Variants in KIRREL3 observed in about 807,000 individuals in gnomAD.
KIRREL3 encodes kin of IRRE-like protein 3.
In KIRREL3, 36 loss-of-function variants were observed where a neutral mutation model predicts 89.7. The observed-to-expected ratio is 0.40, with a 90% CI of 0.31 to 0.53. The LOEUF is 0.53. Among genes scored for constraint, KIRREL3 ranks in the 20% least tolerant of loss-of-function variants. KIRREL3 has a pLI of 0.49. For synonymous variants in KIRREL3, 445 were observed against 441.4 expected (o/e 1.01, Z -0.10); for missense variants, 864 against 1,056.6 (o/e 0.82, Z 2.53).
At chr11:126,447,694 C>T (rs1303813785) in intron 8 of KIRREL3, among the ~76,000 whole-genome samples, 1 of 152,182 alleles carries the variant, frequency 6.6e-6, no homozygotes, top group Middle Eastern at 3.2e-3. Context: ...GGATTCCAGG[C>T]TCAGGGTCCG....
chr11:126,683,348 G>A lies in KIRREL3; in HGVS notation c.56-120436C>T, dbSNP rs998456772. ...GTGTGGATAGTCTGATGGTTTGCAA[G>A]TAAGTGGGATCGACCGTGGGGTCTC... is the stretch of plus-strand genomic sequence containing the variant. On this transcript the variant is annotated intron_variant, in intron 1 of 16. Coordinates refer to ENST00000525144, the MANE Select transcript of KIRREL3 (RefSeq NM_032531.4). This position sits in a 1 kb window ranked among gnomAD's most constrained non-coding sequence, Gnocchi z 5.2. Among the ~76,000 whole-genome samples, 2 of 152,180 alleles carry A rather than the reference G, an allele frequency of 1.3e-5. No individual in the cohort carries two copies. Among genetic ancestry groups the A allele is most frequent in the Admixed American group, 6.5e-5 (1 of 15,280 alleles).
At position 126,563,458 on chromosome 11, in the gene KIRREL3, G is replaced by A. The variant is rs1026207212; in HGVS notation, c.56-546C>T. 1.3e-5 allele frequency among the ~76,000 whole-genome samples: 2 copies of A among 152,178 alleles called. No individual in the cohort carries two copies. The highest frequency in any genetic ancestry group is 2.9e-5 in the Non-Finnish European group (2 of 68,036). On this transcript the variant is annotated intron_variant, in intron 1 of 16. Transcript: ENST00000525144. The surrounding 1 kb of genome is among the most constrained non-coding windows in gnomAD (Gnocchi z 6.8). ...GCAGCGGGGCGACACAGAGGTTAAG[G>A]TATAGGCAGAAGAGCTCTCTCTACC... is the stretch of plus-strand genomic sequence containing the variant.
At chr11:126,577,173 G>T (rs1941299034) in intron 1 of KIRREL3, among the ~76,000 whole-genome samples, 1 of 152,188 alleles carries the variant, frequency 6.6e-6, no homozygotes, top group African/African-American at 2.4e-5. Flanking sequence ...CCGGTGTGTG[G>T]CACATGGATT....
In KIRREL3 at chr11:126,954,518, C is replaced by G. The variant is rs989789522; in HGVS notation, c.55+45937G>C. ...TGTCTATCTCCCTCCTCCCCATCCC[C>G]TCGTCCTCCTCTAGGCCTTTATCCA... On this transcript the variant is annotated intron_variant, in intron 1 of 16. Transcript: ENST00000525144. The surrounding 1 kb of genome is among the most constrained non-coding windows in gnomAD (Gnocchi z 4.1). 6.6e-6 allele frequency among the ~76,000 whole-genome samples: 1 copy of G among 152,070 alleles called. No individual in the cohort carries two copies. The highest frequency in any genetic ancestry group is 2.4e-5 in the African/African-American group (1 of 41,386).
At chr11:126,911,674 G>T (rs1180669424) in intron 1 of KIRREL3, among the ~76,000 whole-genome samples, 1 of 152,158 alleles carries the variant, frequency 6.6e-6, no homozygotes, top group African/African-American at 2.4e-5. Flanking sequence ...GGCCCCAGCA[G>T]ATGGTGGGAT....
chr11:126,494,829 C>T (rs544064106), intron 4 of KIRREL3, among the ~76,000 whole-genome samples: 2 of 152,312 alleles, frequency 1.3e-5, no homozygotes, highest in Admixed American at 6.5e-5. Flanking sequence ...GATGGGCTCC[C>T]GAGGCCCACA....
Position 126,463,383 on chromosome 11 carries a change from G to C in KIRREL3, c.592-76C>G. The C allele has an allele frequency of 6.9e-7, 1 of 1,443,520 alleles. No individual in the cohort carries two copies. The highest frequency in any genetic ancestry group is 9.5e-7 in the Non-Finnish European group (1 of 1,052,486). 89.4% of individuals were successfully genotyped at this position (1,443,520 alleles called of 1,614,324 possible). On this transcript the variant is annotated intron_variant, in intron 5 of 16. Transcript: ENST00000525144. This position sits in a 1 kb window ranked among gnomAD's most constrained non-coding sequence, Gnocchi z 5.9. ...TGGCCAGCCTGGGTTGGGGGTAAAC[G>C]AGCACCAGCTTAGACAGAAGGGGGA... is the stretch of plus-strand genomic sequence containing the variant.
At position 126,441,966 on chromosome 11, in the gene KIRREL3, G is replaced by A. The variant is rs1394530993; in HGVS notation, c.1253-1417C>T. Among the ~76,000 whole-genome samples the A allele has an allele frequency of 1.3e-5, 2 of 152,080 alleles. No homozygotes were observed. The highest frequency in any genetic ancestry group is 4.8e-5 in the African/African-American group (2 of 41,418). On this transcript the variant is annotated intron_variant, in intron 10 of 16. Coordinates refer to ENST00000525144, the MANE Select transcript of KIRREL3 (RefSeq NM_032531.4). This position sits in a 1 kb window ranked among gnomAD's most constrained non-coding sequence, Gnocchi z 5.0. ...CTTTGTTTTATTGCTGGACTAAAACGTGATGATAATATAAAACCTTTTCTG... is the reference window on the plus strand; with the variant it reads ...CTTTGTTTTATTGCTGGACTAAAACATGATGATAATATAAAACCTTTTCTG...
chr11:126,714,486 T>C (rs918574403), intron 1 of KIRREL3, among the ~76,000 whole-genome samples: 41 of 152,296 alleles, frequency 2.7e-4, no homozygotes, highest in African/African-American at 9.6e-4. Context: ...GGAGATGTGA[T>C]GGGGGGCATT....
chr11:126,737,918 C>T (rs1202939520), intron 1 of KIRREL3, among the ~76,000 whole-genome samples: 3 of 152,200 alleles, frequency 2.0e-5, no homozygotes, highest in African/African-American at 7.2e-5. Context: ...CACTAAAATA[C>T]TGTTAACTAC....
In KIRREL3 at chr11:126,520,490, C is replaced by G. The variant is rs1167588943; in HGVS notation, c.433+825G>C. 6.6e-6 allele frequency among the ~76,000 whole-genome samples: 1 copy of G among 152,168 alleles called. No homozygotes were observed. Among genetic ancestry groups the G allele is most frequent in the Non-Finnish European group, 1.5e-5 (1 of 68,028 alleles). On this transcript the variant is annotated intron_variant, in intron 4 of 16. Coordinates refer to ENST00000525144, the MANE Select transcript of KIRREL3 (RefSeq NM_032531.4). This position sits in a 1 kb window ranked among gnomAD's most constrained non-coding sequence, Gnocchi z 4.9. ...GCGGAGGTCATGTGCCTGAAAGAGC[C>G]TAGAGAGCTACGGTGAACTGCTTGG...
intron 1 of KIRREL3, among the ~76,000 whole-genome samples, chr11:126,700,719 C>T (rs903068231): frequency 1.7e-4 from 26 of 152,258 alleles, no homozygotes; most frequent in African/African-American, 6.0e-4. Context: ...GAGACTCATC[C>T]CGCTATTCAG....
chr11:126,424,565 C>G lies in KIRREL3; in HGVS notation c.*15G>C. 6.2e-7 allele frequency: 1 copy of G among 1,612,142 alleles called. No homozygotes were observed. Among genetic ancestry groups the G allele is most frequent in the East Asian group, 2.2e-5 (1 of 44,836 alleles). ...ACCTCTTCCCTGGCCCGTCCCCACCCGCGGTGTGTGATCCTTAGACGTGAG... is the reference window on the plus strand; with the variant it reads ...ACCTCTTCCCTGGCCCGTCCCCACCGGCGGTGTGTGATCCTTAGACGTGAG... On this transcript the variant is annotated 3_prime_UTR_variant, in exon 17 of 17. Coordinates refer to ENST00000525144, the MANE Select transcript of KIRREL3 (RefSeq NM_032531.4).
At chr11:126,929,457 C>G (rs567661078) in intron 1 of KIRREL3, among the ~76,000 whole-genome samples, 2 of 152,168 alleles carry the variant, frequency 1.3e-5, no homozygotes, top group Non-Finnish European at 2.9e-5. Flanking sequence ...TCCACAAATG[C>G]TGCCGTCTGG....
In KIRREL3 at chr11:126,951,049, C is replaced by G. The variant is rs1343196180; in HGVS notation, c.55+49406G>C. On this transcript the variant is annotated intron_variant, in intron 1 of 16. Coordinates refer to ENST00000525144, the MANE Select transcript of KIRREL3 (RefSeq NM_032531.4). ...ACAGAAATGTTCCCAAGTTCTTAACCCAATCACATCTTCCAAGCCCCTTTG... is the reference window on the plus strand; with the variant it reads ...ACAGAAATGTTCCCAAGTTCTTAACGCAATCACATCTTCCAAGCCCCTTTG... 3.3e-5 allele frequency among the ~76,000 whole-genome samples: 5 copies of G among 152,286 alleles called. No individual in the cohort carries two copies. In the South Asian group the frequency reaches 1.0e-3, roughly 32 times the overall value.
intron 1 of KIRREL3, among the ~76,000 whole-genome samples, chr11:126,862,498 A>G (rs912638918): frequency 8.5e-5 from 13 of 152,200 alleles, no homozygotes; most frequent in African/African-American, 3.1e-4. Flanking sequence ...CTCAGCAGAT[A>G]CCAGGTGTGC....
chr11:126,718,465 G>T (rs921579176), intron 1 of KIRREL3, among the ~76,000 whole-genome samples: 2 of 152,192 alleles, frequency 1.3e-5, no homozygotes, highest in Non-Finnish European at 2.9e-5. Flanking sequence ...GGTGTTTGGG[G>T]GCACTGGAAA....
intron 11 of KIRREL3, among the ~76,000 whole-genome samples, chr11:126,439,917 T>C (rs745754637): frequency 2.0e-5 from 3 of 151,930 alleles, no homozygotes; most frequent in Non-Finnish European, 2.9e-5. Flanking sequence ...TCAGTTGCCT[T>C]AGCTGCATTG....
Position 126,932,210 on chromosome 11 carries a change from C to T in KIRREL3, c.55+68245G>A, listed in dbSNP as rs150889460. ...TGTCTCCGACAAGAAAGGACATGCA[C>T]GTGAAAGGAGCAGTGTGGCTTCCTG... On this transcript the variant is annotated intron_variant, in intron 1 of 16. Coordinates refer to ENST00000525144, the MANE Select transcript of KIRREL3 (RefSeq NM_032531.4). Among the ~76,000 whole-genome samples the T allele has an allele frequency of 3.5e-3, 540 of 152,284 alleles. 1 individual carries two copies. The highest frequency in any genetic ancestry group is 0.012 in the African/African-American group (518 of 41,564).
Sources: gnomAD v4.1 joint callset for allele counts (sites outside exome capture counted in the v4.1 genomes callset) on GRCh38, gnomAD v4.1.1 for gene constraint, Gnocchi (gnomAD v3.1) non-coding constraint, MANE v1.5 for transcripts, NCBI Gene and HGNC (gene_info 2026-07-23, HGNC 2026-07-21) for gene names.